PTPRD: variants seen among roughly 807,000 people sequenced by gnomAD.
PTPRD encodes receptor-type tyrosine-protein phosphatase delta.
A neutral mutation model predicts 214.5 loss-of-function variants in PTPRD; 34 were observed. That is an observed-to-expected ratio of 0.16 (90% CI 0.12 to 0.21). The LOEUF (loss-of-function observed/expected upper bound fraction) is 0.21, where lower values mean the gene tolerates loss of function less well. Ranked by LOEUF, PTPRD falls within the 10% of genes least tolerant of loss-of-function variation. The probability of loss-of-function intolerance (pLI) is 1.00; values close to 1 mark genes in which losing one functional copy is unlikely to be tolerated. For synonymous variants in PTPRD, 1,128 were observed against 845.7 expected (o/e 1.33, Z -5.79); for missense variants, 2,545 against 2,398.7 (o/e 1.06, Z -1.27).
chr9:10,589,515 C>T (rs373816339), intron 2 of PTPRD, among the ~76,000 whole-genome samples: 9 of 151,958 alleles, frequency 5.9e-5, no homozygotes, highest in East Asian at 1.9e-4. Flanking sequence ...GCATAAGTAG[C>T]CACCCTCTAG....
chr9:9,725,946 A>G (rs529367260), intron 7 of PTPRD, among the ~76,000 whole-genome samples: 85 of 152,300 alleles, frequency 5.6e-4, no homozygotes, highest in Admixed American at 5.5e-3. Flanking sequence ...ACTTCAGGAC[A>G]GTCATGTAAA....
chr9:9,712,695 T>A (rs1366896147), intron 7 of PTPRD, among the ~76,000 whole-genome samples: 1 of 152,160 alleles, frequency 6.6e-6, no homozygotes, highest in Non-Finnish European at 1.5e-5. Flanking sequence ...CTGACAAAAG[T>A]TCTCTTAGTT....
At chr9:10,444,143 C>G (rs1272391083) in intron 2 of PTPRD, among the ~76,000 whole-genome samples, 1 of 151,710 alleles carries the variant, frequency 6.6e-6, no homozygotes, top group Admixed American at 6.6e-5. Flanking sequence ...CAAATAAAAA[C>G]CAATAAAAGC....
At chr9:9,707,541 C>A (rs1441869370) in intron 7 of PTPRD, among the ~76,000 whole-genome samples, 1 of 151,928 alleles carries the variant, frequency 6.6e-6, no homozygotes, top group African/African-American at 2.4e-5. Flanking sequence ...GGAATAACAG[C>A]GTGATTATTG....
chr9:10,127,072 C>A (rs1437077533), intron 3 of PTPRD, among the ~76,000 whole-genome samples: 1 of 150,988 alleles, frequency 6.6e-6, no homozygotes, highest in Non-Finnish European at 1.5e-5. Context: ...TTCATTCAAA[C>A]AGTGCACGTA....
intron 10 of PTPRD, among the ~76,000 whole-genome samples, chr9:9,167,232 C>T (rs890233062): frequency 7.9e-5 from 12 of 151,786 alleles, no homozygotes; most frequent in African/African-American, 2.9e-4. Context: ...TTCACAATTA[C>T]CATAGTAATG....
At position 8,814,965 on chromosome 9, in the gene PTPRD, T is replaced by G. The variant is rs1425420807; in HGVS notation, c.-103-81019A>C. On this transcript the variant is annotated intron_variant, in intron 11 of 45. Transcript: ENST00000381196. ...ACTTAGAACAAATGTGCAAATTTTG[T>G]CTGAAACTACCTCTTCTTATTCAAT... Among the ~76,000 whole-genome samples, 8 of 152,322 alleles carry G rather than the reference T, an allele frequency of 5.3e-5. No individual in the cohort carries two copies. The East Asian group carries it at 1.5e-3, about 29-fold the overall frequency.
intron 5 of PTPRD, among the ~76,000 whole-genome samples, chr9:9,913,972 A>G (rs542419811): frequency 4.6e-5 from 7 of 152,320 alleles, no homozygotes; most frequent in South Asian, 4.1e-4. Flanking sequence ...TAGTGACTGA[A>G]TGCTACAACC....
intron 11 of PTPRD, among the ~76,000 whole-genome samples, chr9:8,987,689 A>G (rs1460599471): frequency 6.6e-6 from 1 of 152,120 alleles, no homozygotes; most frequent in Non-Finnish European, 1.5e-5. Context: ...TGAATGTGGA[A>G]GTCATTTAAC....
chr9:8,348,802 A>G (rs973813861), intron 39 of PTPRD, among the ~76,000 whole-genome samples: 11 of 152,278 alleles, frequency 7.2e-5, no homozygotes, highest in African/African-American at 2.4e-4. Context: ...CTTTCCTTCA[A>G]GATTCACCTC....
intron 14 of PTPRD, among the ~76,000 whole-genome samples, chr9:8,565,649 A>G (rs1210512513): frequency 1.3e-5 from 2 of 152,220 alleles, no homozygotes; most frequent in East Asian, 1.9e-4. Context: ...TAAAATGGAC[A>G]TCAAGAGGAA....
chr9:10,187,839 T>C (rs143113970), intron 3 of PTPRD, among the ~76,000 whole-genome samples: 1 of 152,342 alleles, frequency 6.6e-6, no homozygotes, highest in East Asian at 1.9e-4. Context: ...TGGTCTAACC[T>C]AGCTCTCCTA....
chr9:9,994,034 CA>C (rs2096042443), intron 4 of PTPRD, among the ~76,000 whole-genome samples: 1 of 152,038 alleles, frequency 6.6e-6, no homozygotes, highest in Admixed American at 6.6e-5. Flanking sequence ...GAGTGGGGGA[CA>C]ATTTATCCCC....
intron 11 of PTPRD, among the ~76,000 whole-genome samples, chr9:8,759,432 C>G (rs2094255766): frequency 6.6e-6 from 1 of 152,014 alleles, no homozygotes; most frequent in African/African-American, 2.4e-5. Context: ...GTTCTCTGCT[C>G]TCTCTTGTTT....
chr9:10,537,926 C>A (rs77613295), intron 2 of PTPRD, among the ~76,000 whole-genome samples: 1,804 of 152,092 alleles, frequency 0.012, 37 homozygotes, highest in African/African-American at 0.041. Flanking sequence ...CCAACCCAGT[C>A]GAACTGAATT....
intron 3 of PTPRD, among the ~76,000 whole-genome samples, chr9:10,051,289 T>C (rs1281735917): frequency 1.3e-5 from 2 of 152,118 alleles, no homozygotes; most frequent in African/African-American, 4.8e-5. Flanking sequence ...CTCAGTACTA[T>C]TTTTTAAAGT....
intron 8 of PTPRD, among the ~76,000 whole-genome samples, chr9:9,426,535 G>A (rs989099295): frequency 1.1e-4 from 17 of 152,178 alleles, no homozygotes; most frequent in African/African-American, 3.9e-4. Context: ...AAAGGTCCCT[G>A]TCTGACAGCT....
intron 14 of PTPRD, among the ~76,000 whole-genome samples, chr9:8,559,405 T>C (rs2085273025): frequency 2.6e-5 from 4 of 152,232 alleles, no homozygotes; most frequent in Admixed American, 6.5e-5. Context: ...CAAATGTTCA[T>C]ATTGTATCAT....
At chr9:8,840,635 C>T (rs2154534799) in intron 11 of PTPRD, among the ~76,000 whole-genome samples, 1 of 152,258 alleles carries the variant, frequency 6.6e-6, no homozygotes, top group South Asian at 2.1e-4. Context: ...ATTTCTATGC[C>T]TTTCCGGTTT....
Sources: gnomAD v4.1 joint callset for allele counts (sites outside exome capture counted in the v4.1 genomes callset) on GRCh38, gnomAD v4.1.1 for gene constraint, MANE v1.5 for transcripts, NCBI Gene and HGNC (gene_info 2026-07-23, HGNC 2026-07-21) for gene names.